The following RBFOX1 variants were observed in gnomAD, a reference collection of about 807,000 sequenced individuals.
RBFOX1 encodes RNA binding protein fox-1 homolog 1.
In RBFOX1, 8 loss-of-function variants were observed where a neutral mutation model predicts 57.7. That is an observed-to-expected ratio of 0.14 (90% confidence interval 0.08 to 0.25). RBFOX1 has a LOEUF of 0.25. RBFOX1 is among the 10% of genes least tolerant of loss of function. RBFOX1 has a pLI of 1.00. For missense variants in RBFOX1, 611 were observed against 548.5 expected (o/e 1.11, Z -1.14); for synonymous variants, 326 against 222.4 (o/e 1.47, Z -4.15).
At chr16:5,722,929 T>C (rs1017664291) in intron 3 of RBFOX1, among the ~76,000 whole-genome samples, 1 of 152,186 alleles carries the variant, frequency 6.6e-6, no homozygotes, top group Admixed American at 6.5e-5. Context: ...CCATATTTAA[T>C]GATCGGTTTG....
intron 2 of RBFOX1, among the ~76,000 whole-genome samples, chr16:6,493,838 A>G (rs908920667): frequency 6.6e-6 from 1 of 152,212 alleles, no homozygotes; most frequent in Non-Finnish European, 1.5e-5. Context: ...AACTGAATAT[A>G]CGAAAGCTAG....
At chr16:6,555,141 C>T (rs1050860184) in intron 2 of RBFOX1, among the ~76,000 whole-genome samples, 1 of 152,052 alleles carries the variant, frequency 6.6e-6, no homozygotes, top group East Asian at 1.9e-4. Context: ...TTTTTATGTC[C>T]AGTAGTGTCT....
intron 2 of RBFOX1, among the ~76,000 whole-genome samples, chr16:5,511,483 C>G (rs2043591039): frequency 6.6e-6 from 1 of 152,124 alleles, no homozygotes; most frequent in Non-Finnish European, 1.5e-5. Flanking sequence ...TATTCAACAC[C>G]AAACATGGTG....
At chr16:7,480,052 C>A (rs1351196683) in intron 4 of RBFOX1, among the ~76,000 whole-genome samples, 5 of 152,216 alleles carry the variant, frequency 3.3e-5, no homozygotes, top group Non-Finnish European at 5.9e-5. Flanking sequence ...CAGTAAACAA[C>A]TGCCTTTCTT....
intron 2 of RBFOX1, among the ~76,000 whole-genome samples, chr16:6,466,104 C>G (rs2095043850): frequency 6.6e-6 from 1 of 151,774 alleles, no homozygotes; most frequent in Non-Finnish European, 1.5e-5. Flanking sequence ...TGGTGGGCAC[C>G]TGTAATCCCA....
chr16:6,428,436 A>G (rs185211342), intron 2 of RBFOX1, among the ~76,000 whole-genome samples: 2 of 152,214 alleles, frequency 1.3e-5, no homozygotes, highest in East Asian at 3.9e-4. Context: ...ATGTATGTGT[A>G]TGTAGTTTAT....
At chr16:7,208,726 A>C (rs2090496997) in intron 4 of RBFOX1, among the ~76,000 whole-genome samples, 1 of 152,130 alleles carries the variant, frequency 6.6e-6, no homozygotes, top group South Asian at 2.1e-4. Context: ...AGTCCCAACT[A>C]ATAGAGAGGC....
At chr16:7,497,844 G>A (rs943042014) in intron 4 of RBFOX1, among the ~76,000 whole-genome samples, 1 of 152,202 alleles carries the variant, frequency 6.6e-6, no homozygotes, top group Non-Finnish European at 1.5e-5. Flanking sequence ...GTTTTCAAGA[G>A]CCCTTCTCTG....
At chr16:7,293,315 G>A (rs769661975) in intron 4 of RBFOX1, among the ~76,000 whole-genome samples, 4 of 152,166 alleles carry the variant, frequency 2.6e-5, no homozygotes, top group Non-Finnish European at 4.4e-5. Context: ...AGGAGGATAT[G>A]TGTAGGTTAT....
intron 4 of RBFOX1, among the ~76,000 whole-genome samples, chr16:7,408,125 A>G (rs2098378264): frequency 6.6e-6 from 1 of 152,194 alleles, no homozygotes; most frequent in Non-Finnish European, 1.5e-5. Flanking sequence ...CTCTCACAAC[A>G]TGGGGGTCAG....
chr16:5,871,572 G>A (rs565405004), intron 4 of RBFOX1, among the ~76,000 whole-genome samples: 1 of 152,230 alleles, frequency 6.6e-6, no homozygotes, highest in South Asian at 2.1e-4. Context: ...TGCTGAGAGA[G>A]AACGAAGTTA....
intron 1 of RBFOX1, among the ~76,000 whole-genome samples, chr16:6,123,380 T>C (rs73527949): frequency 0.013 from 2,056 of 152,298 alleles, 43 homozygotes; most frequent in African/African-American, 0.047. Flanking sequence ...GCAAACATTA[T>C]GCTAAGTGAA....
At chr16:5,313,609 C>A (rs1343244793) in intron 1 of RBFOX1, among the ~76,000 whole-genome samples, 1 of 152,050 alleles carries the variant, frequency 6.6e-6, no homozygotes. Context: ...GCCTCACAGT[C>A]ACGGTGGAAG....
At chr16:5,405,062 T>A (rs2066825530) in intron 1 of RBFOX1, among the ~76,000 whole-genome samples, 1 of 152,206 alleles carries the variant, frequency 6.6e-6, no homozygotes, top group African/African-American at 2.4e-5. Flanking sequence ...TGATGTGGAA[T>A]CTGTGCAAAG....
intron 2 of RBFOX1, among the ~76,000 whole-genome samples, chr16:6,643,703 C>G (rs1425109691): frequency 6.6e-6 from 1 of 151,996 alleles, no homozygotes; most frequent in Admixed American, 6.5e-5. Context: ...TTTTAATCAT[C>G]GGAGTGGTAG....
At chr16:5,820,432 G>C (rs968138137) in intron 3 of RBFOX1, among the ~76,000 whole-genome samples, 1 of 152,138 alleles carries the variant, frequency 6.6e-6, no homozygotes, top group African/African-American at 2.4e-5. Flanking sequence ...CCCCGGCCAC[G>C]TGGCTGGACC....
At chr16:5,948,132 A>G (rs1278725946) in intron 4 of RBFOX1, among the ~76,000 whole-genome samples, 1 of 152,024 alleles carries the variant, frequency 6.6e-6, no homozygotes, top group Non-Finnish European at 1.5e-5. Flanking sequence ...GAAACAGGAC[A>G]GGGGTGACTC....
intron 3 of RBFOX1, among the ~76,000 whole-genome samples, chr16:6,786,314 C>A (rs561065408): frequency 5.2e-4 from 79 of 152,196 alleles, no homozygotes; most frequent in Non-Finnish European, 8.7e-4. Flanking sequence ...ATAATTCTTC[C>A]CACATTACAA....
intron 3 of RBFOX1, among the ~76,000 whole-genome samples, chr16:6,816,499 T>G (rs543193930): frequency 4.9e-4 from 74 of 151,454 alleles, no homozygotes; most frequent in African/African-American, 1.7e-3. Context: ...CTCAGTACTT[T>G]GGGAAGCCAA....
Sources: gnomAD v4.1 joint callset for allele counts (sites outside exome capture counted in the v4.1 genomes callset) on GRCh38, gnomAD v4.1.1 for gene constraint, MANE v1.5 for transcripts, NCBI Gene and HGNC (gene_info 2026-07-23, HGNC 2026-07-21) for gene names.